CCND3: variants seen among roughly 807,000 people sequenced by gnomAD.
CCND3 encodes G1/S-specific cyclin-D3.
In CCND3, 9 loss-of-function variants were observed where a neutral mutation model predicts 28.7. The observed-to-expected ratio is 0.31, with a 90% CI of 0.19 to 0.55. The LOEUF (loss-of-function observed/expected upper bound fraction) is 0.55. Ranked by LOEUF, CCND3 falls within the 20% of genes least tolerant of loss-of-function variation. The pLI is 0.93. For synonymous variants in CCND3, 164 were observed against 163.9 expected (o/e 1.00, Z 0.00); for missense variants, 315 against 385.8 (o/e 0.82, Z 1.54).
intron 1 of CCND3, among the ~76,000 whole-genome samples, chr6:42,020,876 C>T (rs983580170): frequency 6.6e-6 from 1 of 152,218 alleles, no homozygotes; most frequent in Non-Finnish European, 1.5e-5. Context: ...CTCAGCCTCC[C>T]GAGTAGCTGG....
Position 42,048,642 on chromosome 6 carries a change from G to A in CCND3, c.-187C>T, listed in dbSNP as rs755010930. ...AGGATTGCACCTCTCCCCCCCGGCC[G>A]GCATCCGAACAGAGCCAGTCTCCAC... is the stretch of plus-strand genomic sequence containing the variant. On this transcript the variant is annotated 5_prime_UTR_variant, in exon 1 of 5. Transcript: ENST00000372988. This position sits in a 1 kb window ranked among gnomAD's most constrained non-coding sequence, Gnocchi z 4.7. The A allele has an allele frequency of 1.9e-6, 1 of 518,266 alleles. No individual in the cohort carries two copies. Among genetic ancestry groups the A allele is most frequent in the Non-Finnish European group, 3.9e-6 (1 of 259,622 alleles). 32.1% of individuals were successfully genotyped at this position (518,266 alleles called of 1,614,324 possible).
intron 1 of CCND3, among the ~76,000 whole-genome samples, chr6:42,044,425 C>T (rs1764468170): frequency 6.6e-6 from 1 of 152,116 alleles, no homozygotes; most frequent in Non-Finnish European, 1.5e-5. Context: ...CTACCACGGG[C>T]CAGGGAGTAT....
At chr6:41,960,483 G>A (rs1456998920) in intron 1 of CCND3, among the ~76,000 whole-genome samples, 2 of 152,154 alleles carry the variant, frequency 1.3e-5, no homozygotes, top group South Asian at 2.1e-4. Flanking sequence ...CCTCTAACAC[G>A]AGTGATTGAG....
intron 1 of CCND3, among the ~76,000 whole-genome samples, chr6:41,951,744 G>T (rs1371968151): frequency 6.6e-6 from 1 of 151,546 alleles, no homozygotes; most frequent in Admixed American, 6.6e-5. Flanking sequence ...AATAATAATA[G>T]ATCCCACTTA....
intron 1 of CCND3, among the ~76,000 whole-genome samples, chr6:42,024,415 T>TA (rs1240114812): frequency 7.2e-6 from 1 of 139,374 alleles, no homozygotes; most frequent in East Asian, 2.0e-4. Context: ...AAAAAAAAAA[T>TA]AATAATAATT....
intron 1 of CCND3, among the ~76,000 whole-genome samples, chr6:41,997,148 C>T (rs746013431): frequency 5.9e-5 from 9 of 152,206 alleles, no homozygotes; most frequent in Non-Finnish European, 1.2e-4. Flanking sequence ...ATCTAATACT[C>T]TCTTCTGACT....
In CCND3 at chr6:41,941,576, T is replaced by C. The variant is rs1374056626; in HGVS notation, c.74A>G (p.Gln25Arg). Reference sequence around the variant, plus strand: ...GCGGAGCAGGCTCTGCAGGACACGCTGGTCCCCCAGCAGCCGCGGGTCCGG... The same window carrying C: ...GCGGAGCAGGCTCTGCAGGACACGCCGGTCCCCCAGCAGCCGCGGGTCCGG... ...AGPDPRLLGD[Q>R]RVLQSLLRLE... The change falls in exon 1 of 5, where the codon CAG becomes CGG. Residue 25 changes from glutamine to arginine, a missense_variant. Coordinates refer to ENST00000372991, the MANE Select transcript of CCND3 (RefSeq NM_001760.5). This position sits in a 1 kb window ranked among gnomAD's most constrained non-coding sequence, Gnocchi z 6.1. 3 of 1,563,820 alleles carry C rather than the reference T, an allele frequency of 1.9e-6. No homozygotes were observed. The East Asian group carries it at 7.1e-5, about 37-fold the overall frequency.
intron 1 of CCND3, among the ~76,000 whole-genome samples, chr6:42,025,375 G>A (rs1275548882): frequency 2.0e-5 from 3 of 152,218 alleles, no homozygotes; most frequent in African/African-American, 7.2e-5. Context: ...CTTTCCTGGA[G>A]CAAAGAGGTG....
intron 1 of CCND3, among the ~76,000 whole-genome samples, chr6:41,986,402 T>C (rs748872324): frequency 1.4e-4 from 21 of 152,062 alleles, no homozygotes; most frequent in Non-Finnish European, 3.1e-4. Context: ...TTCCAATTCA[T>C]GAACACAGAA....
In CCND3 at chr6:42,048,204, T is replaced by C; in HGVS notation, c.-46+297A>G. On this transcript the variant is annotated intron_variant, in intron 1 of 4. Coordinates refer to the CCND3 transcript ENST00000372988. The surrounding 1 kb of genome is among the most constrained non-coding windows in gnomAD (Gnocchi z 4.7). ...CTCCTACTGGCCTTCCACCCCATCT[T>C]TGAGGCATGAGAAGACCAACAGCCC... 4.4e-6 allele frequency: 1 copy of C among 229,452 alleles called. No individual in the cohort carries two copies. Among genetic ancestry groups the C allele is most frequent in the East Asian group, 1.7e-4 (1 of 5,776 alleles). 14.2% of individuals were successfully genotyped at this position (229,452 alleles called of 1,614,324 possible).
intron 1 of CCND3, among the ~76,000 whole-genome samples, chr6:41,989,630 C>T (rs1310220494): frequency 6.6e-6 from 1 of 151,920 alleles, no homozygotes; most frequent in Non-Finnish European, 1.5e-5. Context: ...TAATGATGTA[C>T]CACTATGCAC....
chr6:42,033,183 G>A (rs1408422497), intron 1 of CCND3, among the ~76,000 whole-genome samples: 1 of 152,182 alleles, frequency 6.6e-6, no homozygotes, highest in Non-Finnish European at 1.5e-5. Flanking sequence ...CGGGCATGGT[G>A]GCTCACGCCT....
chr6:41,997,090 A>G (rs1762831183), intron 1 of CCND3, among the ~76,000 whole-genome samples: 1 of 152,074 alleles, frequency 6.6e-6, no homozygotes, highest in East Asian at 1.9e-4. Flanking sequence ...CAGCCCACAC[A>G]ACGGATGCAC....
chr6:41,950,634 C>CCATA (rs1776283213), intron 1 of CCND3, among the ~76,000 whole-genome samples: 1 of 152,058 alleles, frequency 6.6e-6, no homozygotes, highest in Non-Finnish European at 1.5e-5. Flanking sequence ...CATGTGCCTT[C>CCATA]CATACATCAG....
At chr6:41,958,285 C>T (rs1776490144) in intron 1 of CCND3, among the ~76,000 whole-genome samples, 1 of 152,176 alleles carries the variant, frequency 6.6e-6, no homozygotes, top group East Asian at 1.9e-4. Flanking sequence ...GTGTGAGCCA[C>T]CATGCCTGGC....
At chr6:42,021,299 C>A (rs182435836) in intron 1 of CCND3, among the ~76,000 whole-genome samples, 1 of 152,188 alleles carries the variant, frequency 6.6e-6, no homozygotes, top group African/African-American at 2.4e-5. Context: ...TTCCAGGCAT[C>A]CACTAGGGAT....
At chr6:41,998,349 A>ATT (rs34342484) in intron 1 of CCND3, among the ~76,000 whole-genome samples, 4 of 117,256 alleles carry the variant, frequency 3.4e-5, no homozygotes, top group African/African-American at 9.5e-5. Flanking sequence ...ACAATATCCA[A>ATT]TTTTTTTTTT....
chr6:41,955,651 C>CAAAA (rs35334493), intron 1 of CCND3, among the ~76,000 whole-genome samples: 2 of 113,568 alleles, frequency 1.8e-5, no homozygotes, highest in Non-Finnish European at 3.6e-5. Context: ...CCTATCTCTA[C>CAAAA]AAAAAAAAAA....
chr6:42,005,681 G>T (rs535643851), intron 1 of CCND3, among the ~76,000 whole-genome samples: 40 of 151,898 alleles, frequency 2.6e-4, no homozygotes, highest in Non-Finnish European at 5.1e-4. Context: ...AACATGGTGA[G>T]GCCCCATTTC....
Sources: gnomAD v4.1 joint callset for allele counts (sites outside exome capture counted in the v4.1 genomes callset) on GRCh38, gnomAD v4.1.1 for gene constraint, Gnocchi (gnomAD v3.1) non-coding constraint, MANE v1.5 for transcripts, NCBI Gene and HGNC (gene_info 2026-07-23, HGNC 2026-07-21) for gene names.